Variants in P2RX6 observed in about 807,000 individuals in gnomAD.
P2RX6 encodes the protein purinergic receptor P2X 6, also known as P2X purinoceptor 6.
Under a neutral mutation model 54.2 loss-of-function variants are expected in P2RX6, and 62 were observed. The ratio of observed to expected loss-of-function variants is 1.14; its 90% CI spans 0.93 to 1.41. The LOEUF is 1.41. Ranked by LOEUF, P2RX6 falls within the 40% of genes most tolerant of loss-of-function variation. P2RX6 has a pLI of 0.00. For synonymous variants in P2RX6, 211 were observed against 231.9 expected (o/e 0.91, Z 0.82); for missense variants, 541 against 566.3 (o/e 0.96, Z 0.45).
At chr22:21,012,388 C>T (rs1264999734), upstream of P2RX6, 3 of 335,968 alleles carry the variant, frequency 8.9e-6, no homozygotes, top group African/African-American at 6.5e-5. Context: ...ATACCCCCTC[C>T]TGTGATGAGG....
intron 3 of P2RX6, among the ~76,000 whole-genome samples, chr22:21,019,122 C>T (rs1309035479): frequency 6.6e-6 from 1 of 152,186 alleles, no homozygotes; most frequent in Non-Finnish European, 1.5e-5. Context: ...ACTATTGGGA[C>T]TCAGGACATA....
intron 3 of P2RX6, among the ~76,000 whole-genome samples, chr22:21,021,398 G>A (rs1927378330): frequency 2.0e-5 from 3 of 152,180 alleles, no homozygotes; most frequent in African/African-American, 7.2e-5. Context: ...ATGAGGGTAT[G>A]GGAAGACGTG....
intron 3 of P2RX6, among the ~76,000 whole-genome samples, chr22:21,021,372 T>C (rs1927374256): frequency 6.6e-6 from 1 of 152,138 alleles, no homozygotes; most frequent in Admixed American, 6.5e-5. Context: ...CCACTTGGGC[T>C]GCTGGGCATA....
chr22:21,023,085 T>C, intron 5 of P2RX6, 33 bp from the exon 6 acceptor site: 2 of 1,612,730 alleles, frequency 1.2e-6, no homozygotes, highest in Non-Finnish European at 1.7e-6. Flanking sequence ...GCCCCAGGCC[T>C]GGCAGAGGCT....
At chr22:21,025,029 C>T (rs746118714) in intron 8 of P2RX6, among the ~76,000 whole-genome samples, 1 of 151,578 alleles carries the variant, frequency 6.6e-6, no homozygotes, top group Non-Finnish European at 1.5e-5. Flanking sequence ...TACAGGTGCA[C>T]ACCACCACAC....
At chr22:21,012,726 C>T (rs1047000035), upstream of P2RX6, 17 of 310,872 alleles carry the variant, frequency 5.5e-5, no homozygotes, top group Admixed American at 1.4e-4. Flanking sequence ...GCCCGCTCCA[C>T]GTCCCCCACC....
chr22:21,022,876 C>G (rs1257528072), intron 4 of P2RX6, 66 bp from the exon 5 acceptor site: 2 of 1,525,990 alleles, frequency 1.3e-6, no homozygotes, highest in East Asian at 2.2e-5. Flanking sequence ...CCAACAACCC[C>G]CTGGCTGAAG....
At chr22:21,020,320 C>T (rs1193290252) in intron 3 of P2RX6, among the ~76,000 whole-genome samples, 1 of 152,204 alleles carries the variant, frequency 6.6e-6, no homozygotes, top group African/African-American at 2.4e-5. Context: ...TCCCGGAAGA[C>T]CAGAGTTCTG....
chr22:21,016,102 C>G lies in P2RX6; in HGVS notation c.315+10C>G. 1 of 1,557,340 alleles carries G rather than the reference C, an allele frequency of 6.4e-7. No homozygotes were observed. Among genetic ancestry groups the G allele is most frequent in the Admixed American group, 1.9e-5 (1 of 51,992 alleles). On this transcript the variant is annotated intron_variant, in intron 2 of 11. Transcript: ENST00000413302. The stretch of plus-strand genomic sequence containing the variant: ...CGTGAAGCCACCTCAGGTGGGGGCC[C>G]TGATGTTGCTGACGGGGGCGCAAGT...
chr22:21,020,156 G>A (rs1819548646), intron 3 of P2RX6, among the ~76,000 whole-genome samples: 1 of 152,228 alleles, frequency 6.6e-6, no homozygotes, highest in Non-Finnish European at 1.5e-5. Flanking sequence ...TGCATTTAGT[G>A]TTCAGTTTGT....
At chr22:21,025,030 A>G (rs1330189946) in intron 8 of P2RX6, among the ~76,000 whole-genome samples, 5 of 150,958 alleles carry the variant, frequency 3.3e-5, no homozygotes, top group Non-Finnish European at 7.4e-5. Flanking sequence ...ACAGGTGCAC[A>G]CCACCACACC....
At chr22:21,017,951 C>G (rs747348820) in intron 2 of P2RX6, 38 bp from the exon 3 acceptor site, 4 of 1,397,760 alleles carry the variant, frequency 2.9e-6, no homozygotes, top group Non-Finnish European at 4.1e-6. Flanking sequence ...CCAGTCAACA[C>G]GAGCCCAGCC....
upstream of P2RX6, chr22:21,012,405 C>A: frequency 2.7e-6 from 1 of 366,660 alleles, no homozygotes; most frequent in Non-Finnish European, 5.2e-6. Flanking sequence ...GAGGCCCCTC[C>A]TCTATCCACC....
In P2RX6 at chr22:21,026,506, G is replaced by T; in HGVS notation, c.1215G>T (p.Arg405=). ...SQARLAECLR[R]SSAPAPTATA... ...CCCGACTGGCCGAGTGCCTCAGACG[G>T]AGCTCAGCACCTGCACCCACGGCCA... Residue 405 remains arginine, a synonymous_variant, in exon 12 of 12, where the codon CGG becomes CGT. Coordinates refer to ENST00000413302, the MANE Select transcript of P2RX6 (RefSeq NM_005446.5). This position sits in a 1 kb window ranked among gnomAD's most constrained non-coding sequence, Gnocchi z 4.0. 6.3e-7 allele frequency: 1 copy of T among 1,596,040 alleles called. No homozygotes were observed.
intron 8 of P2RX6, among the ~76,000 whole-genome samples, chr22:21,024,404 A>C (rs1928028832): frequency 6.6e-6 from 1 of 151,720 alleles, no homozygotes; most frequent in Non-Finnish European, 1.5e-5. Flanking sequence ...CAGCCTCCCA[A>C]GTAGCTGGGA....
intron 8 of P2RX6, 33 bp downstream of exon 8, chr22:21,023,651 T>C: frequency 2.0e-6 from 3 of 1,493,320 alleles, no homozygotes; most frequent in Non-Finnish European, 2.8e-6. Context: ...GCCCAGCTGC[T>C]GGGCCCATCG....
upstream of P2RX6, among the ~76,000 whole-genome samples, chr22:21,014,460 G>A (rs1195092609): frequency 6.6e-6 from 1 of 152,218 alleles, no homozygotes; most frequent in Non-Finnish European, 1.5e-5. Flanking sequence ...CCTCGCCTGA[G>A]AGGATAAACT....
upstream of P2RX6, among the ~76,000 whole-genome samples, chr22:21,010,703 A>G (rs1282368575): frequency 2.0e-5 from 3 of 152,176 alleles, no homozygotes; most frequent in Non-Finnish European, 2.9e-5. Flanking sequence ...GCAAACACTC[A>G]GGGGCATGAG....
intron 8 of P2RX6, 143 bp from the exon 9 acceptor site, chr22:21,025,662 A>G (rs1011987057): frequency 1.6e-6 from 1 of 628,860 alleles, no homozygotes; most frequent in African/African-American, 1.8e-5. Flanking sequence ...TTTCTCACCA[A>G]TTACATAGGG....
Sources: gnomAD v4.1 joint callset for allele counts (sites outside exome capture counted in the v4.1 genomes callset) on GRCh38, gnomAD v4.1.1 for gene constraint, Gnocchi (gnomAD v3.1) non-coding constraint, MANE v1.5 for transcripts, NCBI Gene and HGNC (gene_info 2026-07-23, HGNC 2026-07-21) for gene names.